Variants in SPAG16 observed in about 807,000 individuals in gnomAD.
The protein encoded by SPAG16 is sperm-associated antigen 16 protein.
In SPAG16, 86 loss-of-function variants were observed where a neutral mutation model predicts 80.4. That is an observed-to-expected ratio of 1.07 (90% confidence interval 0.90 to 1.28). The LOEUF is 1.28. SPAG16 is among the 50% of genes most tolerant of loss of function. SPAG16 has a pLI of 0.00. For synonymous variants in SPAG16, 294 were observed against 265.9 expected (o/e 1.11, Z -1.03); for missense variants, 870 against 765.3 (o/e 1.14, Z -1.61).
At chr2:213,410,700 C>G (rs35084540) in intron 9 of SPAG16, among the ~76,000 whole-genome samples, 2 of 152,180 alleles carry the variant, frequency 1.3e-5, no homozygotes, top group Non-Finnish European at 2.9e-5. Flanking sequence ...TCAAATATTC[C>G]GTCCACACAT....
chr2:214,144,894 G>A (rs2055559580), intron 14 of SPAG16, among the ~76,000 whole-genome samples: 1 of 151,850 alleles, frequency 6.6e-6, no homozygotes, highest in Non-Finnish European at 1.5e-5. Context: ...TTCCAAAATA[G>A]GTTAATATCC....
chr2:213,308,884 A>G (rs1261167808), intron 3 of SPAG16, among the ~76,000 whole-genome samples: 7 of 152,128 alleles, frequency 4.6e-5, no homozygotes, highest in African/African-American at 1.7e-4. Context: ...GCCTTAACAA[A>G]TATAAAGTTC....
intron 10 of SPAG16, among the ~76,000 whole-genome samples, chr2:213,584,474 C>G (rs970118154): frequency 6.6e-6 from 1 of 151,430 alleles, no homozygotes; most frequent in Non-Finnish European, 1.5e-5. Flanking sequence ...TGGGAGAGAT[C>G]AAAGAATCTC....
intron 9 of SPAG16, among the ~76,000 whole-genome samples, chr2:213,387,763 CTT>C (rs1167545688): frequency 6.6e-6 from 1 of 151,872 alleles, no homozygotes; most frequent in Admixed American, 6.6e-5. Context: ...CATGCATGCT[CTT>C]TTAAAAGAAA....
intron 9 of SPAG16, among the ~76,000 whole-genome samples, chr2:213,433,915 CTTTTTTTTT>C (rs33989475): frequency 1.2e-5 from 1 of 85,014 alleles, no homozygotes. Flanking sequence ...TTTTCTTTGT[CTTTTTTTTT>C]TTTTTTTTTT....
At chr2:214,213,415 A>T (rs111648712) in intron 15 of SPAG16, among the ~76,000 whole-genome samples, 4 of 152,308 alleles carry the variant, frequency 2.6e-5, no homozygotes, top group African/African-American at 9.6e-5. Context: ...CAACAACGCA[A>T]GGCAGTGTGA....
intron 10 of SPAG16, among the ~76,000 whole-genome samples, chr2:213,744,209 C>A (rs1023596670): frequency 2.6e-5 from 4 of 152,092 alleles, no homozygotes; most frequent in African/African-American, 9.7e-5. Context: ...GCAGCTTTTT[C>A]TTTTTTTCAG....
intron 11 of SPAG16, among the ~76,000 whole-genome samples, chr2:213,916,674 A>T (rs1225076181): frequency 6.6e-6 from 1 of 152,124 alleles, no homozygotes; most frequent in Non-Finnish European, 1.5e-5. Flanking sequence ...TCCCCCCATG[A>T]CACATGGGGA....
chr2:213,536,438 C>A (rs2076250237), intron 10 of SPAG16, among the ~76,000 whole-genome samples: 1 of 152,148 alleles, frequency 6.6e-6, no homozygotes, highest in Non-Finnish European at 1.5e-5. Context: ...AGTTTACTGT[C>A]CCACCAACAG....
chr2:214,022,793 T>C (rs534295984), intron 13 of SPAG16, among the ~76,000 whole-genome samples: 3 of 152,206 alleles, frequency 2.0e-5, no homozygotes, highest in South Asian at 4.1e-4. Flanking sequence ...ATACCCTATT[T>C]CACTTTTATT....
intron 15 of SPAG16, among the ~76,000 whole-genome samples, chr2:214,306,026 T>C (rs1694883939): frequency 6.6e-6 from 1 of 152,164 alleles, no homozygotes; most frequent in African/African-American, 2.4e-5. Flanking sequence ...TGTTTTTCCA[T>C]TTGTTTGTGT....
At chr2:213,329,898 C>G (rs982173535) in intron 5 of SPAG16, among the ~76,000 whole-genome samples, 3 of 152,242 alleles carry the variant, frequency 2.0e-5, no homozygotes, top group African/African-American at 7.2e-5. Context: ...TCAGCTACTC[C>G]AGCCATGACT....
At chr2:214,204,778 C>A (rs1359091355) in intron 15 of SPAG16, among the ~76,000 whole-genome samples, 2 of 152,008 alleles carry the variant, frequency 1.3e-5, no homozygotes, top group Admixed American at 6.6e-5. Context: ...TTCTTTAATG[C>A]CCCCCTCCCC....
At chr2:213,668,660 G>A (rs1345474482) in intron 10 of SPAG16, among the ~76,000 whole-genome samples, 3 of 151,756 alleles carry the variant, frequency 2.0e-5, no homozygotes, top group Admixed American at 6.6e-5. Flanking sequence ...TTTGTTTTGC[G>A]ATGGAGTCTT....
At chr2:214,235,584 G>T (rs1412524402) in intron 15 of SPAG16, among the ~76,000 whole-genome samples, 1 of 152,082 alleles carries the variant, frequency 6.6e-6, no homozygotes, top group African/African-American at 2.4e-5. Context: ...ATATTGAGAA[G>T]AATTTTAAAA....
chr2:213,426,666 CCTT>C (rs779558002), intron 9 of SPAG16, among the ~76,000 whole-genome samples: 2 of 151,864 alleles, frequency 1.3e-5, no homozygotes, highest in African/African-American at 4.8e-5. Context: ...GATACTATAA[CCTT>C]CTCTTCTCCT....
At chr2:214,061,146 T>G (rs2050237869) in intron 13 of SPAG16, among the ~76,000 whole-genome samples, 1 of 152,172 alleles carries the variant, frequency 6.6e-6, no homozygotes, top group Admixed American at 6.6e-5. Flanking sequence ...ACGGATCTCC[T>G]GAAGCATTTA....
intron 5 of SPAG16, among the ~76,000 whole-genome samples, chr2:213,328,585 A>G (rs1485669396): frequency 2.6e-5 from 4 of 152,178 alleles, no homozygotes; most frequent in African/African-American, 9.6e-5. Flanking sequence ...TCTCAGGGAG[A>G]TGGCAGAGAG....
intron 15 of SPAG16, among the ~76,000 whole-genome samples, chr2:214,214,964 T>G (rs568763785): frequency 9.9e-5 from 15 of 151,930 alleles, no homozygotes; most frequent in African/African-American, 3.6e-4. Flanking sequence ...CAAATCTGCC[T>G]TTAAAAAACG....
Sources: allele counts gnomAD v4.1 joint callset (sites outside exome capture counted in the v4.1 genomes callset), GRCh38; gene constraint gnomAD v4.1.1; transcripts MANE v1.5; gene names NCBI Gene and HGNC (gene_info 2026-07-23, HGNC 2026-07-21).